NQO2: variants seen among roughly 807,000 people sequenced by gnomAD.
NQO2 encodes ribosyldihydronicotinamide dehydrogenase [quinone].
A neutral mutation model predicts 22.0 loss-of-function variants in NQO2; 18 were observed. The ratio of observed to expected loss-of-function variants is 0.82; its 90% CI spans 0.56 to 1.21. The LOEUF (loss-of-function observed/expected upper bound fraction) is 1.21, where lower values mean the gene tolerates loss of function less well. Ranked by LOEUF, NQO2 falls within the 50% of genes most tolerant of loss-of-function variation. NQO2 has a pLI of 0.00. For synonymous variants in NQO2, 106 were observed against 110.8 expected, an observed-to-expected ratio of 0.96 and a Z score of 0.28; for missense variants, 267 against 286.9, an observed-to-expected ratio of 0.93 and a Z score of 0.50.
chr6:3,018,870 C>CAAA (rs375212473), intron 6 of NQO2, among the ~76,000 whole-genome samples: 5,306 of 147,540 alleles, frequency 0.036, 108 homozygotes, highest in African/African-American at 0.054. Context: ...CATATTATGG[C>CAAA]CAAAAAAAAA....
chr6:3,003,087 T>A (rs1312006227), intron 1 of NQO2, among the ~76,000 whole-genome samples: 7 of 152,214 alleles, frequency 4.6e-5, no homozygotes, highest in Non-Finnish European at 7.4e-5. Context: ...AAGTTTGCTT[T>A]CTACAAAGTC....
Position 3,006,924 on chromosome 6 carries a change from G to A in NQO2, c.7+365G>A. 3 of 404,674 alleles carry A rather than the reference G, an allele frequency of 7.4e-6. No individual in the cohort carries two copies. Among genetic ancestry groups the A allele is most frequent in the African/African-American group, 4.1e-5 (2 of 48,782 alleles). 25.1% of individuals were successfully genotyped at this position (404,674 alleles called of 1,614,324 possible). A position where few individuals can be genotyped will look rare whatever the true frequency, so the allele number is the denominator to read the frequency against. On this transcript the variant is annotated intron_variant, in intron 2 of 6. Transcript: ENST00000380455. This position sits in a 1 kb window ranked among gnomAD's most constrained non-coding sequence, Gnocchi z 4.0. ...AGGGGCTCAAGTGAATGAACCCCAG[G>A]AGGCATCTTGGGTAAAAATTCAGTA...
intron 6 of NQO2, chr6:3,019,249 T>C (rs1649107753): frequency 3.8e-6 from 2 of 523,564 alleles, no homozygotes; most frequent in South Asian, 8.3e-5. Context: ...ATTGCAGTTA[T>C]AAAAATAGAG....
In NQO2 at chr6:3,004,491, A is replaced by G. The variant is rs969219887; in HGVS notation, c.-85-1977A>G. On this transcript the variant is annotated intron_variant, in intron 1 of 6. Coordinates refer to ENST00000380455, the MANE Select transcript of NQO2 (RefSeq NM_000904.6). ...ATGTAGCCTCTTTTCCTTTCCATCC[A>G]CAGGGCACCTGGCCTGGGTGGAGCC... The G allele has an allele frequency of 2.8e-5, 28 of 985,810 alleles. No homozygotes were observed. In the Admixed American group the frequency reaches 4.3e-4, roughly 15 times the overall value. 61.1% of individuals were successfully genotyped at this position (985,810 alleles called of 1,614,324 possible). A position where few individuals can be genotyped will look rare whatever the true frequency, so the allele number is the denominator to read the frequency against.
intron 1 of NQO2, chr6:3,004,439 G>T (rs1035990278): frequency 2.0e-6 from 2 of 985,822 alleles, no homozygotes; most frequent in African/African-American, 1.7e-5. Context: ...TCCCATGCCT[G>T]CCCCCAACTC....
chr6:3,007,043 G>A (rs1213766015), intron 2 of NQO2: 6 of 395,710 alleles, frequency 1.5e-5, no homozygotes, highest in Non-Finnish European at 2.7e-5. Flanking sequence ...GATATAACAT[G>A]GAGAGCCTTT....
chr6:3,002,785 T>G (rs1756782326), intron 1 of NQO2, among the ~76,000 whole-genome samples: 1 of 152,030 alleles, frequency 6.6e-6, no homozygotes, highest in Admixed American at 6.6e-5. Flanking sequence ...AAACAGGCTT[T>G]CTTTTTTTTC....
At chr6:3,017,033 C>G in intron 6 of NQO2, 48 bp downstream of exon 6, 2 of 1,596,840 alleles carry the variant, frequency 1.3e-6, no homozygotes, top group Non-Finnish European at 1.7e-6. Flanking sequence ...CACGCACACA[C>G]AGACACACAC....
intron 2 of NQO2, among the ~76,000 whole-genome samples, chr6:3,008,447 A>G (rs1304133474): frequency 1.3e-5 from 2 of 151,412 alleles, no homozygotes; most frequent in African/African-American, 4.9e-5. Context: ...AAAAGGAAAG[A>G]AAAGAAAGTT....
intron 1 of NQO2, among the ~76,000 whole-genome samples, chr6:3,005,323 C>T (rs1049672402): frequency 2.6e-5 from 4 of 152,156 alleles, no homozygotes; most frequent in Non-Finnish European, 5.9e-5. Context: ...TTTGGGGGCA[C>T]AGCACCTCTC....
rs953973323 is a variant in NQO2, at chr6:3,006,518, T to C, written c.-35T>C. On this transcript the variant is annotated 5_prime_UTR_variant, in exon 2 of 7. Coordinates refer to ENST00000380455, the MANE Select transcript of NQO2 (RefSeq NM_000904.6). The surrounding 1 kb of genome is among the most constrained non-coding windows in gnomAD (Gnocchi z 4.0). ...TACGCAGGAAAGCCCCAGCCACCCATCAAATCAGAGAGAAGGAATCCACCT... is the reference window on the plus strand; with the variant it reads ...TACGCAGGAAAGCCCCAGCCACCCACCAAATCAGAGAGAAGGAATCCACCT... The C allele has an allele frequency of 6.2e-7, 1 of 1,612,824 alleles. No individual in the cohort carries two copies. Among genetic ancestry groups the C allele is most frequent in the Non-Finnish European group, 8.5e-7 (1 of 1,179,464 alleles).
chr6:3,013,159 G>A (rs1240402663), intron 4 of NQO2, among the ~76,000 whole-genome samples: 1 of 151,742 alleles, frequency 6.6e-6, no homozygotes, highest in Non-Finnish European at 1.5e-5. Flanking sequence ...GTTTCACCGT[G>A]TTAGCCAGGA....
At chr6:3,009,710 A>G (rs2518581) in intron 2 of NQO2, among the ~76,000 whole-genome samples, 118,465 of 152,146 alleles carry the variant, frequency 0.78, 46,458 homozygotes, top group African/African-American at 0.88. Flanking sequence ...CAGTTGCTCC[A>G]TTCGGGGTCC....
In NQO2 at chr6:3,006,866, C is replaced by T. The variant is rs1188841190; in HGVS notation, c.7+307C>T. The T allele has an allele frequency of 4.7e-6, 2 of 428,436 alleles. No individual in the cohort carries two copies. Among genetic ancestry groups the T allele is most frequent in the African/African-American group, 4.1e-5 (2 of 48,938 alleles). 26.5% of individuals were successfully genotyped at this position (428,436 alleles called of 1,614,324 possible). ...CCTGCCTATCCTGTCTTTGCTGTGC[C>T]TCCAGGCCCTGAAATTCTCCCTGGG... On this transcript the variant is annotated intron_variant, in intron 2 of 6. Coordinates refer to ENST00000380455, the MANE Select transcript of NQO2 (RefSeq NM_000904.6). The surrounding 1 kb of genome is among the most constrained non-coding windows in gnomAD (Gnocchi z 4.0).
At chr6:3,018,036 C>T (rs977813661) in intron 6 of NQO2, among the ~76,000 whole-genome samples, 1 of 152,074 alleles carries the variant, frequency 6.6e-6, no homozygotes, top group African/African-American at 2.4e-5. Flanking sequence ...AAGTTCATTC[C>T]TTGCTTTTGT....
In NQO2 at chr6:3,019,444, T is replaced by C. The variant is rs567572547; in HGVS notation, c.520-35T>C. ...CTGAATGGTATGTAACAGGTGTAGT[T>C]TCTAATGAGTTCTTTTCTTCCCCTG... On this transcript the variant is annotated intron_variant, in intron 6 of 6. Coordinates refer to ENST00000380455, the MANE Select transcript of NQO2 (RefSeq NM_000904.6). 4.2e-5 allele frequency: 66 copies of C among 1,589,704 alleles called. No individual in the cohort carries two copies. The Middle Eastern group carries it at 1.3e-3, about 32-fold the overall frequency.
chr6:3,016,863 C>G, intron 5 of NQO2, 21 bp from the exon 6 acceptor site: 1 of 1,612,254 alleles, frequency 6.2e-7, no homozygotes, highest in South Asian at 1.1e-5. Flanking sequence ...CACACAAATG[C>G]ATCTGCTTTC....
chr6:3,016,215 G>C (rs1757320179), intron 5 of NQO2, among the ~76,000 whole-genome samples: 1 of 152,106 alleles, frequency 6.6e-6, no homozygotes, highest in Admixed American at 6.5e-5. Context: ...TGGATCACTT[G>C]AGGCCAGGAG....
intron 1 of NQO2, chr6:3,005,756 C>T (rs1279421385): frequency 1.0e-6 from 1 of 985,222 alleles, no homozygotes; most frequent in African/African-American, 1.7e-5. Context: ...TCCAGAGCCC[C>T]ATTGTGTGCC....
Sources: allele counts gnomAD v4.1 joint callset (sites outside exome capture counted in the v4.1 genomes callset), GRCh38; gene constraint gnomAD v4.1.1; non-coding constraint Gnocchi (gnomAD v3.1); transcripts MANE v1.5; gene names NCBI Gene and HGNC (gene_info 2026-07-23, HGNC 2026-07-21).